The following DNAL1 variants were observed in gnomAD, a reference collection of about 807,000 sequenced individuals.
DNAL1 encodes chromosome 14 open reading frame 168.
DNAL1 carries 17 observed loss-of-function variants against 29.4 expected under a neutral mutation model. The ratio of observed to expected loss-of-function variants is 0.58; its 90% confidence interval spans 0.40 to 0.87. The LOEUF (loss-of-function observed/expected upper bound fraction) is 0.87, where lower values mean the gene tolerates loss of function less well. Among genes scored for constraint, DNAL1 ranks in the 40% least tolerant of loss-of-function variants. The pLI is 0.00. For missense variants in DNAL1, 188 were observed against 214.1 expected (o/e 0.88, Z 0.76); for synonymous variants, 78 against 76.3 (o/e 1.02, Z -0.12).
At chr14:73,686,275 G>A (rs1282125320) in intron 5 of DNAL1, among the ~76,000 whole-genome samples, 3 of 152,130 alleles carry the variant, frequency 2.0e-5, no homozygotes, top group African/African-American at 4.8e-5. Flanking sequence ...TCCAATTCTC[G>A]AAAGAGTCAG....
intron 5 of DNAL1, among the ~76,000 whole-genome samples, chr14:73,674,249 C>T (rs544349831): frequency 5.3e-5 from 8 of 152,282 alleles, no homozygotes; most frequent in African/African-American, 1.9e-4. Context: ...TTCATTCCCA[C>T]CTGAGAATCT....
At chr14:73,693,223 G>C (rs1458763949) in intron 7 of DNAL1, among the ~76,000 whole-genome samples, 2 of 152,120 alleles carry the variant, frequency 1.3e-5, no homozygotes, top group African/African-American at 2.4e-5. Context: ...ATACCCTGTA[G>C]GATGGTAATG....
chr14:73,684,027 C>T (rs1595222054), intron 5 of DNAL1, among the ~76,000 whole-genome samples: 2 of 152,258 alleles, frequency 1.3e-5, no homozygotes, highest in Non-Finnish European at 2.9e-5. Flanking sequence ...TTTTTAGATT[C>T]CACATATGAG....
intron 5 of DNAL1, among the ~76,000 whole-genome samples, chr14:73,683,720 T>C (rs905149734): frequency 8.6e-5 from 13 of 151,816 alleles, no homozygotes; most frequent in African/African-American, 2.4e-4. Flanking sequence ...TTATTATTCT[T>C]TTGAGAATAA....
chr14:73,655,504 C>T (rs969640674), intron 2 of DNAL1, among the ~76,000 whole-genome samples: 3 of 151,874 alleles, frequency 2.0e-5, no homozygotes, highest in Admixed American at 6.6e-5. Flanking sequence ...CCACAATGCC[C>T]GGCTAATTTT....
chr14:73,668,902 C>T (rs1312519110), intron 4 of DNAL1, among the ~76,000 whole-genome samples: 2 of 151,770 alleles, frequency 1.3e-5, no homozygotes, highest in Non-Finnish European at 2.9e-5. Flanking sequence ...GTCTCAAACT[C>T]CTGGCCTCAA....
At chr14:73,659,058 T>A in intron 3 of DNAL1, 102 bp downstream of exon 3, 1 of 859,240 alleles carries the variant, frequency 1.2e-6, no homozygotes, top group Non-Finnish European at 1.7e-6. Flanking sequence ...GGTCTTCATT[T>A]ATTTTTTGTT....
chr14:73,683,044 T>C (rs1891930245), intron 5 of DNAL1, among the ~76,000 whole-genome samples: 1 of 151,814 alleles, frequency 6.6e-6, no homozygotes, highest in East Asian at 1.9e-4. Context: ...GCCCAGCTAA[T>C]GTTGTATTTT....
At chr14:73,678,479 TGTAAA>T (rs1331911515) in intron 5 of DNAL1, among the ~76,000 whole-genome samples, 1 of 151,754 alleles carries the variant, frequency 6.6e-6, no homozygotes, top group African/African-American at 2.4e-5. Context: ...GGCTCAGTTA[TGTAAA>T]GTATTCAAAT....
chr14:73,663,202 A>ACT, intron 4 of DNAL1, among the ~76,000 whole-genome samples: 1 of 125,164 alleles, frequency 8.0e-6, no homozygotes, highest in Middle Eastern at 4.5e-3. Flanking sequence ...GGTCCCAGTA[A>ACT]TTTTTTTTTT....
At chr14:73,662,807 CTTTTT>C (rs61249050) in intron 4 of DNAL1, among the ~76,000 whole-genome samples, 119 of 135,240 alleles carry the variant, frequency 8.8e-4, no homozygotes, top group Non-Finnish European at 1.1e-3. Flanking sequence ...CTGCAAAGTA[CTTTTT>C]TTTTTTTTTT....
intron 4 of DNAL1, among the ~76,000 whole-genome samples, chr14:73,664,499 T>C (rs1406799996): frequency 6.6e-6 from 1 of 152,176 alleles, no homozygotes; most frequent in Non-Finnish European, 1.5e-5. Flanking sequence ...AAAATGACTT[T>C]GTAGCATTTA....
chr14:73,680,137 G>A (rs1427106560), intron 5 of DNAL1, among the ~76,000 whole-genome samples: 1 of 152,116 alleles, frequency 6.6e-6, no homozygotes, highest in African/African-American at 2.4e-5. Flanking sequence ...TTACTCTTCA[G>A]AGAAACTTGA....
intron 5 of DNAL1, among the ~76,000 whole-genome samples, chr14:73,685,348 A>G (rs73297419): frequency 0.016 from 2,479 of 152,256 alleles, 54 homozygotes; most frequent in African/African-American, 0.054. Context: ...GGTATTTCAT[A>G]TAAGTAGTAT....
chr14:73,682,570 ATAG>A (rs1891914582), intron 5 of DNAL1, among the ~76,000 whole-genome samples: 1 of 151,908 alleles, frequency 6.6e-6, no homozygotes, highest in Non-Finnish European at 1.5e-5. Flanking sequence ...CACACATTGT[ATAG>A]TAGTATAAAA....
At position 73,651,706 on chromosome 14, in the gene DNAL1, C is replaced by T. The variant is rs573480440; in HGVS notation, c.4-3141C>T. Reference sequence around the variant, plus strand: ...GAGTCTTGCTCTGCTGCCCGGGCTGCAGTGCAATGCCGCAATCTCGGCTCA... The same window carrying T: ...GAGTCTTGCTCTGCTGCCCGGGCTGTAGTGCAATGCCGCAATCTCGGCTCA... On this transcript the variant is annotated intron_variant, in intron 1 of 7. Transcript: ENST00000553645. Among the ~76,000 whole-genome samples the T allele has an allele frequency of 2.6e-5, 4 of 152,224 alleles. No homozygotes were observed. The South Asian group carries it at 8.3e-4, about 32-fold the overall frequency.
At chr14:73,657,240 G>T (rs948936055) in intron 2 of DNAL1, among the ~76,000 whole-genome samples, 4 of 152,006 alleles carry the variant, frequency 2.6e-5, no homozygotes, top group African/African-American at 9.7e-5. Flanking sequence ...TGGGGACAGG[G>T]TCTCTGTTCC....
rs773793708 is a variant in DNAL1 at position 73,658,873 on chromosome 14, T to C, written c.69T>C (p.Ser23=). ...RWEEKTGQRP[S]EAKEIKLYAQ... ...AAGAGAAAACTGGCCAGAGGCCATCTGAAGCCAAAGAGATAAAACTTTATG... is the reference window on the plus strand; with the variant it reads ...AAGAGAAAACTGGCCAGAGGCCATCCGAAGCCAAAGAGATAAAACTTTATG... Residue 23 remains serine, a synonymous_variant, in exon 3 of 8, where the codon TCT becomes TCC. Coordinates refer to ENST00000553645, the MANE Select transcript of DNAL1 (RefSeq NM_031427.4). The C allele has an allele frequency of 3.7e-6, 6 of 1,604,236 alleles. No homozygotes were observed. The highest frequency in any genetic ancestry group is 1.3e-5 in the African/African-American group (1 of 74,774).
intron 7 of DNAL1, among the ~76,000 whole-genome samples, chr14:73,691,117 A>G (rs571708286): frequency 5.3e-5 from 8 of 152,350 alleles, no homozygotes; most frequent in African/African-American, 1.7e-4. Context: ...GGAGATGATA[A>G]TAGTATCATT....
Sources: gnomAD v4.1 joint callset for allele counts (sites outside exome capture counted in the v4.1 genomes callset) on GRCh38, gnomAD v4.1.1 for gene constraint, MANE v1.5 for transcripts, NCBI Gene and HGNC (gene_info 2026-07-23, HGNC 2026-07-21) for gene names.